Variants in XRCC1 observed in about 807,000 individuals in gnomAD.
XRCC1 encodes the protein DNA repair protein XRCC1.
A neutral mutation model predicts 83.3 loss-of-function variants in XRCC1; 52 were observed. That is an observed-to-expected ratio of 0.62 (90% CI 0.50 to 0.79). The LOEUF (loss-of-function observed/expected upper bound fraction) is 0.79, where lower values mean the gene tolerates loss of function less well. XRCC1 is among the 30% of genes least tolerant of loss of function. The pLI, the probability that XRCC1 is intolerant of heterozygous loss-of-function variation, is 0.00. For missense variants in XRCC1, 793 were observed against 823.5 expected (o/e 0.96, Z 0.45); for synonymous variants, 281 against 312.6 (o/e 0.90, Z 1.07).
chr19:43,557,535 C>A (rs1043519478), intron 3 of XRCC1, among the ~76,000 whole-genome samples: 2 of 151,852 alleles, frequency 1.3e-5, no homozygotes, highest in Non-Finnish European at 2.9e-5. Flanking sequence ...TTCTTCCTGA[C>A]CTTGACTATA....
At chr19:43,566,939 G>A (rs925908468) in intron 2 of XRCC1, among the ~76,000 whole-genome samples, 1 of 150,134 alleles carries the variant, frequency 6.7e-6, no homozygotes, top group East Asian at 1.9e-4. Context: ...ATGTCCATCA[G>A]TTGATGAATA....
Position 43,543,401 on chromosome 19 carries a change from C to A in XRCC1, c.1893G>T (p.Pro631=), listed in dbSNP as rs377033786. 29 of 1,604,074 alleles carry A rather than the reference C, an allele frequency of 1.8e-5. No homozygotes were observed. The highest frequency in any genetic ancestry group is 4.4e-5 in the South Asian group (4 of 90,942). Residue 631 remains proline, a synonymous_variant, in exon 17 of 17, where the codon CCG becomes CCT. Coordinates refer to ENST00000262887, the MANE Select transcript of XRCC1 (RefSeq NM_006297.3). ...GTGTATAGCACATACTTCAGGCTTG[C>A]GGCACCACCCCATAGAGCTGGTGAG... ...LLPHQLYGVV[P]QA
At chr19:43,548,744 G>A (rs3213384) in intron 10 of XRCC1, among the ~76,000 whole-genome samples, 1,117 of 94,646 alleles carry the variant, frequency 0.012, 9 homozygotes, top group South Asian at 0.026. Context: ...ATCCCCCTCT[G>A]TGAGAAACAC....
rs117956611 is a variant in XRCC1 at position 43,567,787 on chromosome 19, T to C, written c.145-6767A>G. On this transcript the variant is annotated intron_variant, in intron 2 of 16. Coordinates refer to ENST00000262887, the MANE Select transcript of XRCC1 (RefSeq NM_006297.3). ...AGGGAGACACAGTTCTGATATGAACTGTTCCTGAAACAAACATGGCACAGG... is the reference window on the plus strand; with the variant it reads ...AGGGAGACACAGTTCTGATATGAACCGTTCCTGAAACAAACATGGCACAGG... Among the ~76,000 whole-genome samples, 22 of 152,230 alleles carry C rather than the reference T, an allele frequency of 1.4e-4. No homozygotes were observed. In the East Asian group the frequency reaches 4.2e-3, roughly 29 times the overall value.
chr19:43,559,290 T>C (rs1173548560), intron 3 of XRCC1, among the ~76,000 whole-genome samples: 1 of 151,732 alleles, frequency 6.6e-6, no homozygotes, highest in Non-Finnish European at 1.5e-5. Flanking sequence ...GAGACCATCC[T>C]GGCTAACACA....
chr19:43,547,095 T>C, intron 10 of XRCC1, 118 bp from the exon 11 acceptor site: 3 of 965,656 alleles, frequency 3.1e-6, no homozygotes, highest in Non-Finnish European at 3.0e-6. Flanking sequence ...CATGGTCTTG[T>C]TCCCAGCCCA....
rs542240784 is a variant in XRCC1 at position 43,571,566 on chromosome 19, C to T, written c.144+3344G>A. Among the ~76,000 whole-genome samples the T allele has an allele frequency of 3.1e-4, 47 of 152,330 alleles. No individual in the cohort carries two copies. In the South Asian group the frequency reaches 4.6e-3, roughly 15 times the overall value. ...TTGCCCAGGCTGGAGCGCAATGGTG[C>T]GATCATAGCTCACTACAGCCTTGAT... On this transcript the variant is annotated intron_variant, in intron 2 of 16. Coordinates refer to ENST00000262887, the MANE Select transcript of XRCC1 (RefSeq NM_006297.3).
In XRCC1 at chr19:43,552,189, T is replaced by A; in HGVS notation, c.910A>T (p.Thr304Ser). 1.1e-5 allele frequency: 18 copies of A among 1,613,950 alleles called. No individual in the cohort carries two copies. Among genetic ancestry groups the A allele is most frequent in the Non-Finnish European group, 1.5e-5 (18 of 1,179,940 alleles). ...CCAGCTCGGGGTCGTCTGGGCTCGG[T>A]GCCTTCTCCTCGGGGTTTGCCTGTC... ...AVTGKPRGEG[T>S]EPRRPRAGPE... Residue 304 changes from threonine (T) to serine (S), a missense_variant, in exon 9 of 17, where the codon ACC becomes TCC. Physicochemically the swap from Thr to Ser is moderately conservative, Grantham distance 58. Coordinates refer to ENST00000262887, the MANE Select transcript of XRCC1 (RefSeq NM_006297.3).
Position 43,554,661 on chromosome 19 carries a change from G to C in XRCC1, c.399C>G (p.Ser133Arg), listed in dbSNP as rs368911719. 6.2e-7 allele frequency: 1 copy of C among 1,612,412 alleles called. No individual in the cohort carries two copies. Reference protein sequence around the residue: ...KRWDRVKIVCSQPYSKDSPFG... With the variant: ...KRWDRVKIVCRQPYSKDSPFG... Reference sequence around the variant, plus strand: ...CCCTAGGTACCTTGCTGTAGGGCTGGCTGCAAACAATTTTGACCCGGTCCC... The same window carrying C: ...CCCTAGGTACCTTGCTGTAGGGCTGCCTGCAAACAATTTTGACCCGGTCCC... The change falls in exon 4 of 17, where the codon AGC becomes AGG. Residue 133 changes from serine (S) to arginine (R), a missense_variant. Coordinates refer to ENST00000262887, the MANE Select transcript of XRCC1 (RefSeq NM_006297.3).
chr19:43,547,726 C>A (rs1972527445), intron 10 of XRCC1, among the ~76,000 whole-genome samples: 1 of 152,094 alleles, frequency 6.6e-6, no homozygotes, highest in Non-Finnish European at 1.5e-5. Context: ...TCTCGAACTC[C>A]TGACCTCGAG....
chr19:43,544,084 G>T, intron 15 of XRCC1, 60 bp downstream of exon 15: 1 of 1,473,574 alleles, frequency 6.8e-7, no homozygotes, highest in African/African-American at 1.4e-5. Flanking sequence ...CTCCCAGCAG[G>T]TCCCTGAGCG....
chr19:43,554,508 G>T, intron 4 of XRCC1, 138 bp downstream of exon 4: 7 of 1,125,112 alleles, frequency 6.2e-6, no homozygotes, highest in Non-Finnish European at 8.6e-6. Flanking sequence ...TTCAGGGAAC[G>T]CAGGGACCCA....
In XRCC1 at chr19:43,544,126, C is replaced by T. The variant is rs759658561; in HGVS notation, c.1712+18G>A. 6.3e-7 allele frequency: 1 copy of T among 1,592,762 alleles called. No individual in the cohort carries two copies. The highest frequency in any genetic ancestry group is 1.8e-5 in the Admixed American group (1 of 56,640). ...TGGATCCATCACCCCTTCCCCACCC[C>T]AGTCCCTGGAGACTCACCCATTGAA... is the stretch of plus-strand genomic sequence containing the variant. On this transcript the variant is annotated intron_variant, in intron 15 of 16. Transcript: ENST00000262887.
intron 3 of XRCC1, among the ~76,000 whole-genome samples, chr19:43,559,942 G>A (rs1341739904): frequency 2.0e-5 from 3 of 151,984 alleles, no homozygotes; most frequent in Non-Finnish European, 4.4e-5. Flanking sequence ...CTAGCCAGGA[G>A]TGGTGGTGTG....
intron 10 of XRCC1, among the ~76,000 whole-genome samples, chr19:43,547,686 T>C (rs1972527066): frequency 1.3e-5 from 2 of 149,630 alleles, no homozygotes; most frequent in East Asian, 2.0e-4. Context: ...TTTAAGTACA[T>C]ACGAGGTTTC....
At chr19:43,548,209 G>C (rs1972537141) in intron 10 of XRCC1, among the ~76,000 whole-genome samples, 1 of 151,922 alleles carries the variant, frequency 6.6e-6, no homozygotes, top group African/African-American at 2.4e-5. Context: ...GGGCGCCTCT[G>C]CCCGGCCGCC....
At chr19:43,554,868 G>C in intron 3 of XRCC1, 64 bp from the exon 4 acceptor site, 1 of 1,552,518 alleles carries the variant, frequency 6.4e-7, no homozygotes, top group Non-Finnish European at 8.8e-7. Context: ...GAGCTTCTAG[G>C]GGCTGGGGAA....
chr19:43,544,906 C>A (rs185922687), intron 14 of XRCC1, among the ~76,000 whole-genome samples: 2 of 152,154 alleles, frequency 1.3e-5, no homozygotes, highest in African/African-American at 4.8e-5. Flanking sequence ...AGTCCTCCCA[C>A]CTCGGCCTCT....
At chr19:43,572,104 C>A (rs1430267318) in intron 2 of XRCC1, among the ~76,000 whole-genome samples, 1 of 152,156 alleles carries the variant, frequency 6.6e-6, no homozygotes, top group African/African-American at 2.4e-5. Context: ...ATGTTGGTGA[C>A]CGCTGCAATA....
Sources: allele counts gnomAD v4.1 joint callset (sites outside exome capture counted in the v4.1 genomes callset), GRCh38; gene constraint gnomAD v4.1.1; transcripts MANE v1.5; gene names NCBI Gene and HGNC (gene_info 2026-07-23, HGNC 2026-07-21).